SLMAP: variants seen among roughly 807,000 people sequenced by gnomAD.
SLMAP encodes the protein sarcolemma associated protein, also known as sarcolemmal membrane-associated protein.
In SLMAP, 44 loss-of-function variants were observed where a neutral mutation model predicts 128.8. That is an observed-to-expected ratio of 0.34 (90% CI 0.27 to 0.44). SLMAP has a LOEUF of 0.44. Among genes scored for constraint, SLMAP ranks in the 20% least tolerant of loss-of-function variants. SLMAP has a pLI of 1.00. For missense variants in SLMAP, 787 were observed against 985.3 expected (o/e 0.80, Z 2.69); for synonymous variants, 327 against 348.8 (o/e 0.94, Z 0.70).
intron 17 of SLMAP, among the ~76,000 whole-genome samples, chr3:57,906,050 TAAAAAAAAA>T (rs1168626870): frequency 9.4e-6 from 1 of 105,994 alleles, no homozygotes; most frequent in Non-Finnish European, 1.9e-5. Flanking sequence ...AAATACTCCT[TAAAAAAAAA>T]AAAAAAAAAA....
chr3:57,887,464 G>A (rs1378870415), intron 14 of SLMAP, among the ~76,000 whole-genome samples: 11 of 152,092 alleles, frequency 7.2e-5, no homozygotes, highest in African/African-American at 2.4e-4. Context: ...CGCCAACCTC[G>A]GCCTCCCAAA....
intron 17 of SLMAP, among the ~76,000 whole-genome samples, chr3:57,905,324 C>A (rs575936452): frequency 2.8e-4 from 43 of 152,160 alleles, no homozygotes; most frequent in Admixed American, 5.9e-4. Context: ...CTCTGTTGCC[C>A]AGGCTGGAGT....
At chr3:57,922,648 C>T (rs2096938574) in intron 22 of SLMAP, among the ~76,000 whole-genome samples, 3 of 152,126 alleles carry the variant, frequency 2.0e-5, no homozygotes, top group Admixed American at 6.5e-5. Context: ...AGGCTAATCT[C>T]GAACTCCTGA....
At chr3:57,899,553 T>G (rs1291381958) in intron 17 of SLMAP, 2 of 152,180 alleles carry the variant, frequency 1.3e-5, no homozygotes, top group Non-Finnish European at 2.9e-5. Flanking sequence ...TTATGAATTT[T>G]TTTACTTATT....
intron 19 of SLMAP, 190 bp from the exon 20 acceptor site, chr3:57,912,191 A>C: frequency 1.9e-6 from 1 of 514,574 alleles, no homozygotes; most frequent in Non-Finnish European, 3.5e-6. Flanking sequence ...TGGGGAGATG[A>C]AGATCACTTT....
chr3:57,833,908 A>G (rs1248507440), intron 3 of SLMAP, among the ~76,000 whole-genome samples: 1 of 152,178 alleles, frequency 6.6e-6, no homozygotes, highest in East Asian at 1.9e-4. Context: ...CCAGTTGAGT[A>G]CTACCTGTTT....
chr3:57,765,467 C>T (rs2079490828), intron 2 of SLMAP, among the ~76,000 whole-genome samples: 3 of 152,004 alleles, frequency 2.0e-5, no homozygotes, highest in Non-Finnish European at 2.9e-5. Flanking sequence ...GAGGAAGAAG[C>T]AGGGATGATA....
At chr3:57,868,106 T>A (rs947005770) in intron 13 of SLMAP, among the ~76,000 whole-genome samples, 1 of 150,634 alleles carries the variant, frequency 6.6e-6, no homozygotes, top group Non-Finnish European at 1.5e-5. Context: ...ATAAAAAAAT[T>A]AAAAATTAGC....
rs139700183 is a variant in SLMAP, at chr3:57,783,671, C to T, written c.198+25822C>T. Among the ~76,000 whole-genome samples, 620 of 152,174 alleles carry T rather than the reference C, an allele frequency of 4.1e-3. 5 individuals carry two copies. Among genetic ancestry groups the T allele is most frequent in the African/African-American group, 0.015 (603 of 41,530 alleles). On this transcript the variant is annotated intron_variant, in intron 2 of 24. Coordinates refer to ENST00000671191, the MANE Select transcript of SLMAP (RefSeq NM_001377540.1). The stretch of plus-strand genomic sequence containing the variant: ...TAAGAGAGCAAGCCAAGGGTGTGGC[C>T]AAGTAACTGTTTGCTAAGGAGATTA...
intron 2 of SLMAP, among the ~76,000 whole-genome samples, chr3:57,810,007 G>T (rs557314524): frequency 1.3e-5 from 2 of 152,312 alleles, no homozygotes; most frequent in Admixed American, 1.3e-4. Flanking sequence ...AGATAAAGAG[G>T]AGAGAAGAGC....
chr3:57,902,168 TAAG>T (rs1464282134), intron 17 of SLMAP: 1 of 152,180 alleles, frequency 6.6e-6, no homozygotes, highest in Non-Finnish European at 1.5e-5. Context: ...ATCAAACAAT[TAAG>T]AAATTGCTGA....
chr3:57,760,854 A>T (rs1187165217), intron 2 of SLMAP, among the ~76,000 whole-genome samples: 1 of 151,994 alleles, frequency 6.6e-6, no homozygotes, highest in Non-Finnish European at 1.5e-5. Context: ...CAGCTTCCCG[A>T]GTAGCTGGGA....
At chr3:57,800,509 T>A (rs1341812124) in intron 2 of SLMAP, 1 of 152,382 alleles carries the variant, frequency 6.6e-6, no homozygotes, top group East Asian at 1.9e-4. Context: ...CATTTTATCT[T>A]TGAGAAGCAT....
At chr3:57,902,625 G>A (rs1252611341) in intron 17 of SLMAP, among the ~76,000 whole-genome samples, 1 of 152,086 alleles carries the variant, frequency 6.6e-6, no homozygotes, top group East Asian at 1.9e-4. Flanking sequence ...AACCACTTGG[G>A]GCCTTGGTAA....
At chr3:57,833,844 G>C (rs1265858593) in intron 3 of SLMAP, among the ~76,000 whole-genome samples, 1 of 151,736 alleles carries the variant, frequency 6.6e-6, no homozygotes, top group East Asian at 1.9e-4. Flanking sequence ...GTACTTACTG[G>C]CTTCAAAAAG....
At chr3:57,854,180 C>T (rs2153586764) in intron 6 of SLMAP, among the ~76,000 whole-genome samples, 1 of 149,682 alleles carries the variant, frequency 6.7e-6, no homozygotes, top group Non-Finnish European at 1.5e-5. Context: ...TACATTGAAC[C>T]AATATTCAGT....
chr3:57,824,414 T>C (rs2092765668), intron 2 of SLMAP, among the ~76,000 whole-genome samples: 1 of 152,222 alleles, frequency 6.6e-6, no homozygotes, highest in Non-Finnish European at 1.5e-5. Flanking sequence ...AACTCTTTAA[T>C]TTATTTTGAG....
chr3:57,927,803 G>A lies in SLMAP; in HGVS notation c.*514G>A, dbSNP rs2097032461. 1 of 153,108 alleles carries A rather than the reference G, an allele frequency of 6.5e-6. No individual in the cohort carries two copies. The highest frequency in any genetic ancestry group is 6.5e-5 in the Admixed American group (1 of 15,322). The allele number at this position is 153,108 out of a possible 1,614,324, so 9.5% of individuals were successfully genotyped here. ...CAAACAACCAATACATACATGGGAA[G>A]AGAGGCCCTGTGTGCTCAGTGCCTA... is the stretch of plus-strand genomic sequence containing the variant. On this transcript the variant is annotated 3_prime_UTR_variant, in exon 25 of 25. Coordinates refer to ENST00000671191, the MANE Select transcript of SLMAP (RefSeq NM_001377540.1).
At chr3:57,919,473 T>A (rs533303797) in intron 22 of SLMAP, among the ~76,000 whole-genome samples, 1 of 152,130 alleles carries the variant, frequency 6.6e-6, no homozygotes, top group South Asian at 2.1e-4. Flanking sequence ...CATCACTATA[T>A]TTTAATTTAG....
Sources: allele counts gnomAD v4.1 joint callset (sites outside exome capture counted in the v4.1 genomes callset), GRCh38; gene constraint gnomAD v4.1.1; transcripts MANE v1.5; gene names NCBI Gene and HGNC (gene_info 2026-07-23, HGNC 2026-07-21).